Variants in EIF4E3 observed in about 807,000 individuals in gnomAD.
The protein encoded by EIF4E3 is eukaryotic translation initiation factor 4E family member 3, also known as eukaryotic translation initiation factor 4E type 3.
In EIF4E3, 26 loss-of-function variants were observed where a neutral mutation model predicts 31.7. The ratio of observed to expected loss-of-function variants is 0.82; its 90% CI spans 0.60 to 1.14. The LOEUF is 1.14. Among genes scored for constraint, EIF4E3 ranks in the 50% most tolerant of loss-of-function variants. The pLI, the probability that EIF4E3 is intolerant of heterozygous loss-of-function variation, is 0.00. For missense variants in EIF4E3, 304 were observed against 270.9 expected (o/e 1.12, Z -0.86); for synonymous variants, 128 against 107.7 (o/e 1.19, Z -1.17).
chr3:71,673,912 T>C (rs2048858789), downstream of EIF4E3, among the ~76,000 whole-genome samples: 1 of 131,394 alleles, frequency 7.6e-6, no homozygotes, highest in African/African-American at 3.0e-5. Context: ...ATAATAATTA[T>C]ATATATATAT....
At chr3:71,735,016 T>G (rs966338594) in intron 1 of EIF4E3, among the ~76,000 whole-genome samples, 1 of 152,058 alleles carries the variant, frequency 6.6e-6, no homozygotes, top group Non-Finnish European at 1.5e-5. Flanking sequence ...GGGGCCCCAG[T>G]GGTTGGTCAA....
intron 5 of EIF4E3, among the ~76,000 whole-genome samples, chr3:71,692,930 G>C (rs2049083819): frequency 6.6e-6 from 1 of 152,164 alleles, no homozygotes; most frequent in Non-Finnish European, 1.5e-5. Flanking sequence ...AGTGGTGTAA[G>C]AAGTAAGCAA....
intron 2 of EIF4E3, among the ~76,000 whole-genome samples, chr3:71,706,653 C>CA (rs575902243): frequency 2.4e-4 from 36 of 151,622 alleles, no homozygotes; most frequent in African/African-American, 7.7e-4. Flanking sequence ...CCCATCTCTA[C>CA]AAAAAAAATA....
intron 1 of EIF4E3, among the ~76,000 whole-genome samples, chr3:71,714,289 G>C (rs867322990): frequency 0.034 from 4,544 of 131,982 alleles, 83 homozygotes; most frequent in African/African-American, 0.051. Flanking sequence ...AAGGAAGGAA[G>C]GAAGGAAGGA....
chr3:71,746,922 T>A (rs1240582567), intron 1 of EIF4E3, among the ~76,000 whole-genome samples: 1 of 152,230 alleles, frequency 6.6e-6, no homozygotes, highest in African/African-American at 2.4e-5. Context: ...TTGAGCACAG[T>A]ATTTTCAAGG....
intron 4 of EIF4E3, among the ~76,000 whole-genome samples, chr3:71,695,423 T>C (rs972393790): frequency 2.4e-4 from 36 of 152,342 alleles, no homozygotes; most frequent in African/African-American, 8.7e-4. Flanking sequence ...GTTGACATCA[T>C]GATTACTTCT....
At chr3:71,714,240 G>GGGAAGGCA (rs796328837) in intron 1 of EIF4E3, among the ~76,000 whole-genome samples, 1 of 102,622 alleles carries the variant, frequency 9.7e-6, no homozygotes. Flanking sequence ...AAGGGAAGAA[G>GGGAAGGCA]GAAAGGAAGG....
chr3:71,684,263 T>G lies in EIF4E3; in HGVS notation c.*419A>C, dbSNP rs1266108879. The G allele has an allele frequency of 1.8e-5, 3 of 168,422 alleles. No individual in the cohort carries two copies. Among genetic ancestry groups the G allele is most frequent in the African/African-American group, 4.8e-5 (2 of 41,638 alleles). The allele number at this position is 168,422 out of a possible 1,614,324, so 10.4% of individuals were successfully genotyped here. ...TACAGTGTGGTATTCAAAAGCAGTATTGTCACGATTATGCATATTCTCATT... is the reference window on the plus strand; with the variant it reads ...TACAGTGTGGTATTCAAAAGCAGTAGTGTCACGATTATGCATATTCTCATT... On this transcript the variant is annotated 3_prime_UTR_variant, in exon 7 of 7. Transcript: ENST00000425534.
chr3:71,666,309 A>G, the EIF4E3 span, among the ~76,000 whole-genome samples: 1 of 152,336 alleles, frequency 6.6e-6, no homozygotes, highest in Admixed American at 6.5e-5. Flanking sequence ...AGAGAATACT[A>G]TAAACACCTC....
intron 1 of EIF4E3, among the ~76,000 whole-genome samples, chr3:71,720,584 A>G (rs758395459): frequency 6.6e-6 from 1 of 152,268 alleles, no homozygotes; most frequent in South Asian, 2.1e-4. Flanking sequence ...CAGAATCCCT[A>G]CTGTCTGGAT....
intron 1 of EIF4E3, among the ~76,000 whole-genome samples, chr3:71,723,791 T>C (rs1225532506): frequency 6.6e-6 from 1 of 152,184 alleles, no homozygotes; most frequent in Non-Finnish European, 1.5e-5. Flanking sequence ...AAAAGCACGC[T>C]TGTTATGACA....
intron 2 of EIF4E3, among the ~76,000 whole-genome samples, chr3:71,708,165 TG>T (rs1488937447): frequency 6.6e-6 from 1 of 152,160 alleles, no homozygotes; most frequent in African/African-American, 2.4e-5. Flanking sequence ...AGAGTCACCA[TG>T]CTCGGCCTCA....
At chr3:71,709,629 C>T (rs2049345976) in intron 2 of EIF4E3, among the ~76,000 whole-genome samples, 2 of 152,168 alleles carry the variant, frequency 1.3e-5, no homozygotes, top group South Asian at 4.1e-4. Context: ...AATCCTCCCA[C>T]CTTAGCCTCC....
At chr3:71,729,838 G>GTGTGTGTGTA (rs1367476617), upstream of EIF4E3, among the ~76,000 whole-genome samples, 2 of 150,082 alleles carry the variant, frequency 1.3e-5, no homozygotes, top group South Asian at 2.1e-4. Flanking sequence ...GTGTGTGTGT[G>GTGTGTGTGTA]TATTTAAGTG....
At chr3:71,725,483 G>A (rs1225583619), upstream of EIF4E3, 1 of 160,148 alleles carries the variant, frequency 6.2e-6, no homozygotes, top group Middle Eastern at 2.3e-3. This position sits in a 1 kb window ranked among gnomAD's most constrained non-coding sequence, Gnocchi z 6.1. Flanking sequence ...CCCCGGGCTA[G>A]CCGCCCGCCG....
Position 71,686,801 on chromosome 3 carries a change from T to C in EIF4E3, c.629-2073A>G, listed in dbSNP as rs1385825935. Among the ~76,000 whole-genome samples, 7 of 152,114 alleles carry C rather than the reference T, an allele frequency of 4.6e-5. No homozygotes were observed. The East Asian group carries it at 1.3e-3, about 29-fold the overall frequency. On this transcript the variant is annotated intron_variant, in intron 6 of 6. Coordinates refer to ENST00000425534, the MANE Select transcript of EIF4E3 (RefSeq NM_001134651.2). ...TCATAGTTGCAAACTACAATGTTGA[T>C]GGGTTAAAGAGACAGTACAACAGAA...
intron 5 of EIF4E3, among the ~76,000 whole-genome samples, chr3:71,693,233 A>G (rs2049087577): frequency 6.6e-6 from 1 of 152,208 alleles, no homozygotes; most frequent in African/African-American, 2.4e-5. Context: ...AAGCAAAACA[A>G]AAGCTTTTTG....
intron 4 of EIF4E3, among the ~76,000 whole-genome samples, chr3:71,694,748 G>A (rs2049111473): frequency 2.6e-5 from 4 of 152,280 alleles, no homozygotes; most frequent in Admixed American, 2.6e-4. Flanking sequence ...AACCAGATGG[G>A]TTAACAACCT....
At position 71,676,578 on chromosome 3, in the gene EIF4E3, CTG is replaced by C. The variant is rs923799554; in HGVS notation, c.*8102_*8103del. 7 of 152,136 alleles carry C rather than the reference CTG, an allele frequency of 4.6e-5. No homozygotes were observed. Among genetic ancestry groups the C allele is most frequent in the Non-Finnish European group, 1.0e-4 (7 of 68,014 alleles). 9.4% of individuals were successfully genotyped at this position (152,136 alleles called of 1,614,324 possible). On this transcript the variant is annotated 3_prime_UTR_variant, in exon 7 of 7. Coordinates refer to ENST00000425534, the MANE Select transcript of EIF4E3 (RefSeq NM_001134651.2). ...AAATTTGGCCATGTGATGCATGTCA[CTG>C]TGTGTTATTGCTTTATTACACTTTT...
Sources: allele counts gnomAD v4.1 joint callset (sites outside exome capture counted in the v4.1 genomes callset), GRCh38; gene constraint gnomAD v4.1.1; non-coding constraint Gnocchi (gnomAD v3.1); transcripts MANE v1.5; gene names NCBI Gene and HGNC (gene_info 2026-07-23, HGNC 2026-07-21).